CSTPP1: variants seen among roughly 807,000 people sequenced by gnomAD.
CSTPP1 encodes centriolar satellite-associated tubulin polyglutamylase complex regulator 1.
the CSTPP1 span, among the ~76,000 whole-genome samples, chr11:47,033,679 T>C: frequency 8.5e-5 from 13 of 152,328 alleles, no homozygotes; most frequent in African/African-American, 3.1e-4. Flanking sequence ...AATCTATTGT[T>C]TGGGGCTCAA....
At chr11:47,083,291 T>C in the CSTPP1 span, among the ~76,000 whole-genome samples, 3 of 152,232 alleles carry the variant, frequency 2.0e-5, no homozygotes, top group Non-Finnish European at 4.4e-5. Context: ...ACTTTATTCC[T>C]TTTTGTGGCC....
the CSTPP1 span, among the ~76,000 whole-genome samples, chr11:47,158,722 A>C: frequency 6.6e-6 from 1 of 152,250 alleles, no homozygotes; most frequent in East Asian, 1.9e-4. Context: ...TTTTGTACAG[A>C]CTGGGTTTCA....
chr11:47,152,653 C>T, the CSTPP1 span, among the ~76,000 whole-genome samples: 32 of 152,140 alleles, frequency 2.1e-4, no homozygotes, highest in Non-Finnish European at 3.5e-4. Context: ...GTGATGGTGG[C>T]GCTACTTTGT....
chr11:47,023,765 T>C, the CSTPP1 span, among the ~76,000 whole-genome samples: 1 of 152,216 alleles, frequency 6.6e-6, no homozygotes, highest in Non-Finnish European at 1.5e-5. Flanking sequence ...AGTTCATTCA[T>C]GTTGTACCAT....
chr11:47,076,212 G>C, the CSTPP1 span, among the ~76,000 whole-genome samples: 1 of 152,132 alleles, frequency 6.6e-6, no homozygotes, highest in Admixed American at 6.6e-5. Flanking sequence ...GCTAAATGTT[G>C]ACATTTATTT....
the CSTPP1 span, among the ~76,000 whole-genome samples, chr11:47,034,857 A>G: frequency 6.6e-6 from 1 of 152,188 alleles, no homozygotes; most frequent in Non-Finnish European, 1.5e-5. Flanking sequence ...TGGTTGGCAG[A>G]TGCTACTTCC....
At chr11:46,994,344 C>T in the CSTPP1 span, among the ~76,000 whole-genome samples, 1 of 152,142 alleles carries the variant, frequency 6.6e-6, no homozygotes, top group African/African-American at 2.4e-5. Context: ...GAGGGCATCC[C>T]TGTCTTGTGC....
chr11:47,116,708 C>T, the CSTPP1 span, among the ~76,000 whole-genome samples: 1,130 of 103,960 alleles, frequency 0.011, 6 homozygotes, highest in Admixed American at 0.017. Flanking sequence ...GAGACGGAGT[C>T]TTGCTCTGTC....
At chr11:47,021,027 C>T in the CSTPP1 span, among the ~76,000 whole-genome samples, 2 of 152,102 alleles carry the variant, frequency 1.3e-5, no homozygotes, top group African/African-American at 4.8e-5. Flanking sequence ...CCATGTTAGG[C>T]CATTTAAAAT....
chr11:47,097,134 G>A, the CSTPP1 span, among the ~76,000 whole-genome samples: 199 of 135,828 alleles, frequency 1.5e-3, 3 homozygotes, highest in Non-Finnish European at 2.4e-3. Context: ...CAGCCGCCCC[G>A]TCCGGGAGGG....
chr11:47,137,390 C>T, the CSTPP1 span: 1 of 1,494,916 alleles, frequency 6.7e-7, no homozygotes. Flanking sequence ...CTTCACCCGA[C>T]CAATTTTCAT....
the CSTPP1 span, among the ~76,000 whole-genome samples, chr11:47,063,918 G>T: frequency 6.6e-6 from 1 of 152,082 alleles, no homozygotes; most frequent in Non-Finnish European, 1.5e-5. Context: ...TCTACAGCAG[G>T]TGTATCATTT....
the CSTPP1 span, among the ~76,000 whole-genome samples, chr11:46,965,515 G>A: frequency 1.3e-5 from 2 of 152,046 alleles, no homozygotes; most frequent in African/African-American, 4.8e-5. Flanking sequence ...ATGAGCCACC[G>A]TGCCTGGCCT....
the CSTPP1 span, among the ~76,000 whole-genome samples, chr11:47,002,154 A>C: frequency 6.7e-6 from 1 of 148,494 alleles, no homozygotes; most frequent in Admixed American, 6.9e-5. Context: ...CCCGTTTCTC[A>C]TTGTCAGCAT....
the CSTPP1 span, among the ~76,000 whole-genome samples, chr11:47,117,848 TA>T: frequency 5.9e-5 from 9 of 151,704 alleles, no homozygotes; most frequent in Non-Finnish European, 1.3e-4. Flanking sequence ...CTTTTTTCTC[TA>T]ACCTTGTCTT....
At chr11:47,071,164 C>T in the CSTPP1 span, among the ~76,000 whole-genome samples, 1 of 152,198 alleles carries the variant, frequency 6.6e-6, no homozygotes, top group Non-Finnish European at 1.5e-5. Flanking sequence ...TACATAGTCT[C>T]TTTCATAAAA....
the CSTPP1 span, among the ~76,000 whole-genome samples, chr11:47,046,974 C>T: frequency 6.6e-6 from 1 of 151,032 alleles, no homozygotes; most frequent in Admixed American, 6.6e-5. Flanking sequence ...AATCTCAGCT[C>T]ACTACAACCT....
the CSTPP1 span, among the ~76,000 whole-genome samples, chr11:47,119,892 T>C: frequency 6.6e-6 from 1 of 152,176 alleles, no homozygotes; most frequent in African/African-American, 2.4e-5. Context: ...ATTACAGGCG[T>C]GAGCCACCAT....
chr11:46,994,393 A>G, the CSTPP1 span, among the ~76,000 whole-genome samples: 8 of 152,208 alleles, frequency 5.3e-5, no homozygotes, highest in African/African-American at 1.9e-4. Context: ...TTGCCCATTC[A>G]GTATGATATT....
Sources: gnomAD v4.1 joint callset for allele counts (sites outside exome capture counted in the v4.1 genomes callset) on GRCh38, gnomAD v4.1.1 for gene constraint, MANE v1.5 for transcripts, NCBI Gene and HGNC (gene_info 2026-07-23, HGNC 2026-07-21) for gene names.